Variants in TRIM54 observed in about 807,000 individuals in gnomAD.
The protein encoded by TRIM54 is tripartite motif-containing protein 54.
In TRIM54, 40 loss-of-function variants were observed where a neutral mutation model predicts 42.0. That is an observed-to-expected ratio of 0.95 (90% CI 0.74 to 1.24). TRIM54 has a LOEUF of 1.24. Ranked by LOEUF, TRIM54 falls within the 50% of genes most tolerant of loss-of-function variation. TRIM54 has a pLI of 0.00. For synonymous variants in TRIM54, 199 were observed against 194.9 expected, an observed-to-expected ratio of 1.02 and a Z score of -0.17; for missense variants, 485 against 480.3, an observed-to-expected ratio of 1.01 and a Z score of -0.09.
intron 3 of TRIM54, among the ~76,000 whole-genome samples, chr2:27,301,701 G>A (rs944855858): frequency 2.0e-5 from 3 of 151,996 alleles, no homozygotes; most frequent in Non-Finnish European, 2.9e-5. Flanking sequence ...ATCTTGTGCC[G>A]ACCTCCTATC....
intron 1 of TRIM54, among the ~76,000 whole-genome samples, chr2:27,286,808 C>T (rs990950438): frequency 3.3e-5 from 5 of 152,154 alleles, no homozygotes; most frequent in Admixed American, 6.5e-5. Flanking sequence ...TTTTGTTTCG[C>T]GCCACCCAAA....
chr2:27,305,707 C>T lies in TRIM54; in HGVS notation c.733C>T (p.Arg245Cys), dbSNP rs774562379. ...LAREQEEKLQ[R>C]VRGLIRQYGD... ...CCGGGAGCAAGAGGAGAAGCTGCAG[C>T]GCGTCCGCGGCCTCATCCGTCAGTA... Residue 245 changes from arginine (R) to cysteine (C), a missense_variant, in exon 5 of 9, where the codon CGC (arginine) becomes TGC (cysteine). Coordinates refer to ENST00000380075, the MANE Select transcript of TRIM54 (RefSeq NM_187841.3). 11 of 1,612,180 alleles carry T rather than the reference C, an allele frequency of 6.8e-6. No individual in the cohort carries two copies. Among genetic ancestry groups the T allele is most frequent in the South Asian group, 5.5e-5 (5 of 90,706 alleles).
In TRIM54 at chr2:27,298,593, G is replaced by A. The variant is rs760301272; in HGVS notation, c.195G>A (p.Arg65=). The A allele has an allele frequency of 6.2e-7, 1 of 1,614,044 alleles. No homozygotes were observed. Among genetic ancestry groups the A allele is most frequent in the Non-Finnish European group, 8.5e-7 (1 of 1,179,978 alleles). The change falls in exon 2 of 9, where the codon CGG becomes CGA. Residue 65 remains arginine, a synonymous_variant. Transcript: ENST00000380075. ...FQASNPLWQS[R]GSTTVSSGGR... ...CCTCGAATCCTCTATGGCAGTCCCG[G>A]GGCTCCACCACTGTGTCTTCAGGAG... is the stretch of plus-strand genomic sequence containing the variant.
At chr2:27,283,794 A>G (rs1457474640) in intron 1 of TRIM54, among the ~76,000 whole-genome samples, 2 of 150,408 alleles carry the variant, frequency 1.3e-5, no homozygotes, top group Non-Finnish European at 3.0e-5. Context: ...GCACACACAC[A>G]CACACACACA....
At chr2:27,284,869 C>G (rs1678513417) in intron 1 of TRIM54, among the ~76,000 whole-genome samples, 1 of 152,160 alleles carries the variant, frequency 6.6e-6, no homozygotes, top group African/African-American at 2.4e-5. Context: ...GAGGAATAGG[C>G]CCCATACATG....
At chr2:27,297,998 A>G (rs1470906625) in intron 1 of TRIM54, among the ~76,000 whole-genome samples, 4 of 151,368 alleles carry the variant, frequency 2.6e-5, no homozygotes, top group African/African-American at 9.7e-5. Context: ...AAAAAAAAAA[A>G]AAAGGCCGGG....
chr2:27,303,393 T>TA (rs1168889882), intron 3 of TRIM54, among the ~76,000 whole-genome samples: 1 of 151,822 alleles, frequency 6.6e-6, no homozygotes, highest in Non-Finnish European at 1.5e-5. Context: ...CTACTAAAGA[T>TA]ACAAAAAATT....
chr2:27,292,566 T>C (rs1678749338), intron 1 of TRIM54, among the ~76,000 whole-genome samples: 1 of 152,170 alleles, frequency 6.6e-6, no homozygotes, highest in Non-Finnish European at 1.5e-5. Flanking sequence ...AAAATGCACA[T>C]AACATGAAAT....
At chr2:27,297,037 G>A (rs1678885385) in intron 1 of TRIM54, among the ~76,000 whole-genome samples, 1 of 152,152 alleles carries the variant, frequency 6.6e-6, no homozygotes, top group Non-Finnish European at 1.5e-5. Context: ...GGGATTACAG[G>A]CATGAGCCAC....
At position 27,282,787 on chromosome 2, in the gene TRIM54, A is replaced by G; in HGVS notation, c.56A>G (p.Asn19Ser). 6.2e-7 allele frequency: 1 copy of G among 1,614,008 alleles called. No homozygotes were observed. Among genetic ancestry groups the G allele is most frequent in the Non-Finnish European group, 8.5e-7 (1 of 1,179,940 alleles). The change falls in exon 1 of 9, where the codon AAC becomes AGC. Residue 19 changes from asparagine to serine, a missense_variant. Transcript: ENST00000380075. ...CTAGGGGATGCACACAGCATGGACA[A>G]CCTGGAGAAGCAGCTCATCTGCCCC... The part of the protein sequence containing the change: ...PLLGDAHSMD[N>S]LEKQLICPIC...
intron 1 of TRIM54, among the ~76,000 whole-genome samples, chr2:27,291,564 T>G (rs1678721175): frequency 6.6e-6 from 1 of 151,858 alleles, no homozygotes; most frequent in Non-Finnish European, 1.5e-5. Context: ...TTATACCATA[T>G]TTTGGGAAAC....
intron 1 of TRIM54, among the ~76,000 whole-genome samples, chr2:27,295,399 C>T (rs1229397694): frequency 1.3e-5 from 2 of 152,030 alleles, no homozygotes; most frequent in Non-Finnish European, 2.9e-5. Flanking sequence ...CTCCACCTCC[C>T]GGGTTCAAGC....
rs771407413 is a variant in TRIM54 at position 27,298,572 on chromosome 2, G to A, written c.174G>A (p.Ser58=). The change falls in exon 2 of 9, where the codon TCG becomes TCA. Residue 58 remains serine (S), a synonymous_variant. Transcript: ENST00000380075. ...RKCANDVFQA[S]NPLWQSRGST... Reference sequence around the variant, plus strand: ...CAAGCCATCTGTCCCTGCAGGCCTCGAATCCTCTATGGCAGTCCCGGGGCT... The same window carrying A: ...CAAGCCATCTGTCCCTGCAGGCCTCAAATCCTCTATGGCAGTCCCGGGGCT... 6 of 1,613,012 alleles carry A rather than the reference G, an allele frequency of 3.7e-6. No homozygotes were observed. Among genetic ancestry groups the A allele is most frequent in the African/African-American group, 1.3e-5 (1 of 74,852 alleles).
Position 27,298,638 on chromosome 2 carries a change from G to T in TRIM54, c.240G>T (p.Ser80=), listed in dbSNP as rs540676343. 6 of 1,614,158 alleles carry T rather than the reference G, an allele frequency of 3.7e-6. No individual in the cohort carries two copies. Among genetic ancestry groups the T allele is most frequent in the African/African-American group, 2.7e-5 (2 of 75,052 alleles). Residue 80 remains serine (S), a synonymous_variant, in exon 2 of 9, where the codon TCG becomes TCT. Transcript: ENST00000380075. ...CAGGAGGCCGTTTCCGCTGCCCATC[G>T]TGCAGGCATGAGGTTGTCCTGGACA... is the stretch of plus-strand genomic sequence containing the variant. ...VSSGGRFRCP[S]CRHEVVLDRH...
In TRIM54 at chr2:27,282,654, C is replaced by T. The variant is rs1044206106; in HGVS notation, c.-78C>T. 1 of 1,463,836 alleles carries T rather than the reference C, an allele frequency of 6.8e-7. No individual in the cohort carries two copies. Among genetic ancestry groups the T allele is most frequent in the African/African-American group, 1.4e-5 (1 of 69,984 alleles). The allele number at this position is 1,463,836 out of a possible 1,614,324, so 90.7% of individuals were successfully genotyped here. ...GAGCCACAGAAGGGAATCCAGAGGC[C>T]ATCTAAGCGAGGAAGGGTCTACAGG... is the stretch of plus-strand genomic sequence containing the variant. On this transcript the variant is annotated 5_prime_UTR_variant, in exon 1 of 9. Coordinates refer to ENST00000380075, the MANE Select transcript of TRIM54 (RefSeq NM_187841.3).
intron 3 of TRIM54, 112 bp downstream of exon 3, chr2:27,299,528 A>T: frequency 6.5e-7 from 1 of 1,536,988 alleles, no homozygotes; most frequent in South Asian, 1.2e-5. Context: ...TTATTTATTT[A>T]GAAACAGGAT....
chr2:27,302,192 T>G (rs1679055828), intron 3 of TRIM54, among the ~76,000 whole-genome samples: 1 of 152,026 alleles, frequency 6.6e-6, no homozygotes, highest in South Asian at 2.1e-4. Flanking sequence ...GGCTCACGCC[T>G]GTAATCCCAG....
At chr2:27,305,519 C>A in intron 4 of TRIM54, 65 bp from the exon 5 acceptor site, 1 of 1,381,778 alleles carries the variant, frequency 7.2e-7, no homozygotes, top group Non-Finnish European at 1.0e-6. Flanking sequence ...CTGTGAGTAC[C>A]CTGTGCTTTC....
chr2:27,287,399 G>T (rs995252557), intron 1 of TRIM54, among the ~76,000 whole-genome samples: 3 of 151,922 alleles, frequency 2.0e-5, no homozygotes, highest in African/African-American at 7.3e-5. Context: ...AGAGACAAGG[G>T]TCTCTCTATG....
Sources: gnomAD v4.1 joint callset for allele counts (sites outside exome capture counted in the v4.1 genomes callset) on GRCh38, gnomAD v4.1.1 for gene constraint, MANE v1.5 for transcripts, NCBI Gene and HGNC (gene_info 2026-07-23, HGNC 2026-07-21) for gene names.